COG5: variants seen among roughly 807,000 people sequenced by gnomAD.
The protein encoded by COG5 is conserved oligomeric Golgi complex subunit 5.
A neutral mutation model predicts 110.4 loss-of-function variants in COG5; 86 were observed. That is an observed-to-expected ratio of 0.78 (90% confidence interval 0.65 to 0.93). The LOEUF (loss-of-function observed/expected upper bound fraction) is 0.93, where lower values mean the gene tolerates loss of function less well. Ranked by LOEUF, COG5 falls within the 40% of genes least tolerant of loss-of-function variation. The pLI, the probability that COG5 is intolerant of heterozygous loss-of-function variation, is 0.00. For synonymous variants in COG5, 360 were observed against 334.6 expected (o/e 1.08, Z -0.83); for missense variants, 1,077 against 987.0 (o/e 1.09, Z -1.22).
At chr7:107,346,549 T>C (rs980852729) in intron 10 of COG5, among the ~76,000 whole-genome samples, 1 of 152,160 alleles carries the variant, frequency 6.6e-6, no homozygotes, top group Non-Finnish European at 1.5e-5. Flanking sequence ...AGTCTAAGCA[T>C]TCCCTAGGAA....
At chr7:107,236,351 TG>T (rs752218550) in intron 18 of COG5, 98 bp downstream of exon 18, 70 of 916,354 alleles carry the variant, frequency 7.6e-5, no homozygotes, top group Non-Finnish European at 1.2e-4. Flanking sequence ...TTCTTTGTGC[TG>T]CAACTCTTTA....
In COG5 at chr7:107,510,505, A is replaced by C. The variant is rs568034777; in HGVS notation, c.538+16732T>G. Reference sequence around the variant, plus strand: ...ACAGATCAACGAGACAGAAAGTTAAAAAGGATACCCAGGAATTGAACTCAG... The same window carrying C: ...ACAGATCAACGAGACAGAAAGTTAACAAGGATACCCAGGAATTGAACTCAG... On this transcript the variant is annotated intron_variant, in intron 6 of 21. Coordinates refer to ENST00000297135, the MANE Select transcript of COG5 (RefSeq NM_006348.5). Among the ~76,000 whole-genome samples, 509 of 152,224 alleles carry C rather than the reference A, an allele frequency of 3.3e-3. 3 individuals are homozygous for C. Among genetic ancestry groups the C allele is most frequent in the South Asian group, 0.01 (50 of 4,816 alleles).
intron 6 of COG5, among the ~76,000 whole-genome samples, chr7:107,424,048 G>A (rs992734517): frequency 7.2e-5 from 11 of 152,152 alleles, no homozygotes; most frequent in East Asian, 5.8e-4. Flanking sequence ...TGAGGCTGGC[G>A]GACTGCCCGA....
chr7:107,479,244 T>C (rs1797174062), intron 6 of COG5, among the ~76,000 whole-genome samples: 1 of 152,118 alleles, frequency 6.6e-6, no homozygotes, highest in South Asian at 2.1e-4. Context: ...AAGAGCAAAT[T>C]GTTCTTTGGA....
chr7:107,361,976 C>G, intron 10 of COG5, 57 bp downstream of exon 10: 1 of 1,167,324 alleles, frequency 8.6e-7, no homozygotes, highest in Non-Finnish European at 1.3e-6. Flanking sequence ...ATGATGCTGA[C>G]TCATATATTC....
chr7:107,476,373 T>G (rs1157915081), intron 6 of COG5, among the ~76,000 whole-genome samples: 1 of 151,284 alleles, frequency 6.6e-6, no homozygotes, highest in Non-Finnish European at 1.5e-5. Flanking sequence ...ACATACAACT[T>G]TAGGGTAATA....
At chr7:107,296,544 C>A (rs1250081939) in intron 12 of COG5, among the ~76,000 whole-genome samples, 2 of 150,674 alleles carry the variant, frequency 1.3e-5, no homozygotes, top group Non-Finnish European at 2.9e-5. Context: ...ATGATTCTAA[C>A]CTATCATGGC....
intron 8 of COG5, among the ~76,000 whole-genome samples, chr7:107,362,639 C>T (rs1010337817): frequency 6.6e-6 from 1 of 152,004 alleles, no homozygotes; most frequent in Non-Finnish European, 1.5e-5. Context: ...AAAATGGTTT[C>T]CTACAAGAGG....
chr7:107,411,331 T>C (rs1792278422), intron 7 of COG5, among the ~76,000 whole-genome samples: 1 of 152,184 alleles, frequency 6.6e-6, no homozygotes, highest in Admixed American at 6.5e-5. Context: ...CTTCTCTTAC[T>C]TAATGTAGAG....
chr7:107,452,405 C>T (rs1795394128), intron 6 of COG5, among the ~76,000 whole-genome samples: 1 of 152,142 alleles, frequency 6.6e-6, no homozygotes, highest in Non-Finnish European at 1.5e-5. Context: ...GCATCCCCAC[C>T]CAAATCTCAC....
At chr7:107,442,705 A>C (rs1046568096) in intron 6 of COG5, among the ~76,000 whole-genome samples, 1 of 151,910 alleles carries the variant, frequency 6.6e-6, no homozygotes, top group Non-Finnish European at 1.5e-5. Flanking sequence ...ACCAAGAGAG[A>C]TAATTTAGGG....
At chr7:107,224,801 T>C (rs775825525) in intron 19 of COG5, among the ~76,000 whole-genome samples, 67 of 152,166 alleles carry the variant, frequency 4.4e-4, no homozygotes, top group Non-Finnish European at 8.1e-4. Flanking sequence ...TGTGTAGAAA[T>C]ACAAATCACC....
At chr7:107,563,036 G>A (rs542948081) in intron 1 of COG5, among the ~76,000 whole-genome samples, 1 of 152,302 alleles carries the variant, frequency 6.6e-6, no homozygotes, top group Non-Finnish European at 1.5e-5. Flanking sequence ...AAGAACAGGT[G>A]AGAAGGGCTT....
At chr7:107,424,505 C>CA (rs1563026809) in intron 6 of COG5, among the ~76,000 whole-genome samples, 1 of 136,108 alleles carries the variant, frequency 7.3e-6, no homozygotes, top group Non-Finnish European at 1.6e-5. Context: ...CTCAACAAAA[C>CA]TTTTTTTTTT....
At chr7:107,459,818 T>C (rs189045170) in intron 6 of COG5, among the ~76,000 whole-genome samples, 11 of 148,358 alleles carry the variant, frequency 7.4e-5, no homozygotes, top group Admixed American at 2.0e-4. Context: ...AAAAAGTTAA[T>C]AGAACAGTAA....
At chr7:107,219,255 C>T (rs939614255) in intron 19 of COG5, among the ~76,000 whole-genome samples, 1 of 152,112 alleles carries the variant, frequency 6.6e-6, no homozygotes, top group Non-Finnish European at 1.5e-5. Context: ...TAAATTAATA[C>T]AACCATTTTG....
intron 5 of COG5, among the ~76,000 whole-genome samples, chr7:107,528,519 G>T (rs1210401829): frequency 6.6e-6 from 1 of 152,140 alleles, no homozygotes; most frequent in Non-Finnish European, 1.5e-5. Flanking sequence ...AAGAAATAAA[G>T]GTTCATGTAT....
At chr7:107,527,892 T>C (rs1339196173) in intron 5 of COG5, among the ~76,000 whole-genome samples, 3 of 152,142 alleles carry the variant, frequency 2.0e-5, no homozygotes, top group African/African-American at 7.2e-5. Context: ...AGCATTTCTA[T>C]GGGTTAGAAC....
intron 16 of COG5, among the ~76,000 whole-genome samples, chr7:107,254,708 T>C (rs945041565): frequency 2.0e-5 from 3 of 152,142 alleles, no homozygotes; most frequent in African/African-American, 4.8e-5. Context: ...ATAATCTTTG[T>C]TGTCTGTCAA....
Sources: allele counts gnomAD v4.1 joint callset (sites outside exome capture counted in the v4.1 genomes callset), GRCh38; gene constraint gnomAD v4.1.1; transcripts MANE v1.5; gene names NCBI Gene and HGNC (gene_info 2026-07-23, HGNC 2026-07-21).